The following USP47 variants were observed in gnomAD, a reference collection of about 807,000 sequenced individuals.
USP47 encodes ubiquitin carboxyl-terminal hydrolase 47.
Under a neutral mutation model 165.1 loss-of-function variants are expected in USP47, and 35 were observed. The observed-to-expected ratio is 0.21, with a 90% CI of 0.16 to 0.28. USP47 has a LOEUF of 0.28. USP47 is among the 10% of genes least tolerant of loss of function. The pLI, the probability that USP47 is intolerant of heterozygous loss-of-function variation, is 1.00. For missense variants in USP47, 1,277 were observed against 1,607.4 expected (o/e 0.79, Z 3.52); for synonymous variants, 531 against 544.5 (o/e 0.98, Z 0.35).
At chr11:11,903,212 T>G in intron 6 of USP47, 51 bp from the exon 7 acceptor site, 1 of 1,536,050 alleles carries the variant, frequency 6.5e-7, no homozygotes, top group Non-Finnish European at 8.9e-7. Flanking sequence ...ACAGATTGTT[T>G]CATTACATAA....
chr11:11,850,109 T>A (rs1274048219), intron 1 of USP47, among the ~76,000 whole-genome samples: 5 of 152,288 alleles, frequency 3.3e-5, no homozygotes, highest in East Asian at 1.9e-4. Flanking sequence ...TCTGTTTTTT[T>A]AATTCATTCT....
At chr11:11,934,888 A>T (rs1854938957) in intron 16 of USP47, among the ~76,000 whole-genome samples, 1 of 152,116 alleles carries the variant, frequency 6.6e-6, no homozygotes, top group African/African-American at 2.4e-5. Flanking sequence ...CTAGAGAAAA[A>T]ATTGCATACT....
chr11:11,879,739 CT>C (rs1448023289), intron 1 of USP47, among the ~76,000 whole-genome samples: 2 of 152,064 alleles, frequency 1.3e-5, no homozygotes, highest in Non-Finnish European at 2.9e-5. Context: ...ACAATCCTTA[CT>C]GCATTTTTGC....
At position 11,928,698 on chromosome 11, in the gene USP47, A is replaced by G. The variant is rs538014586; in HGVS notation, c.1387-736A>G. On this transcript the variant is annotated intron_variant, in intron 11 of 27. Transcript: ENST00000527733. ...AGTCTCTAGTATCTCAAACTGTCTT[A>G]GGAGTTGTGAAGTACATGGGCTTCT... Among the ~76,000 whole-genome samples, 4 of 152,104 alleles carry G rather than the reference A, an allele frequency of 2.6e-5. No individual in the cohort carries two copies. The South Asian group carries it at 8.3e-4, about 32-fold the overall frequency.
Position 11,903,294 on chromosome 11 carries a change from C to T in USP47, c.771C>T (p.Cys257=). 1.2e-6 allele frequency: 2 copies of T among 1,612,422 alleles called. No homozygotes were observed. Among genetic ancestry groups the T allele is most frequent in the Non-Finnish European group, 1.7e-6 (2 of 1,179,042 alleles). Residue 257 remains cysteine (C), a synonymous_variant, in exon 7 of 28, where the codon TGC becomes TGT. Coordinates refer to ENST00000527733, the MANE Select transcript of USP47 (RefSeq NM_001282659.2). The part of the protein sequence containing the change: ...AWQQHDVQEL[C]RVMFDALEQK... Reference sequence around the variant, plus strand: ...AGCAGCATGATGTACAAGAACTATGCAGAGTCATGTTTGATGCTTTGGAAC... The same window carrying T: ...AGCAGCATGATGTACAAGAACTATGTAGAGTCATGTTTGATGCTTTGGAAC...
chr11:11,896,975 T>C (rs1335785601), intron 4 of USP47, among the ~76,000 whole-genome samples: 1 of 151,924 alleles, frequency 6.6e-6, no homozygotes, highest in East Asian at 1.9e-4. Flanking sequence ...CATATCACCC[T>C]TTGCACAGCA....
At chr11:11,884,924 T>A (rs956822735) in intron 3 of USP47, among the ~76,000 whole-genome samples, 2 of 152,182 alleles carry the variant, frequency 1.3e-5, no homozygotes, top group Non-Finnish European at 2.9e-5. Flanking sequence ...TGTTTAAGCA[T>A]TTGCTTGGTT....
At chr11:11,867,508 G>T (rs765157956) in intron 1 of USP47, among the ~76,000 whole-genome samples, 3 of 151,926 alleles carry the variant, frequency 2.0e-5, no homozygotes, top group Admixed American at 1.3e-4. Flanking sequence ...GTTAAATTTT[G>T]TGTTTTTAAT....
At chr11:11,903,193 T>C in intron 6 of USP47, 70 bp from the exon 7 acceptor site, 1 of 1,460,422 alleles carries the variant, frequency 6.8e-7, no homozygotes, top group Non-Finnish European at 9.4e-7. Flanking sequence ...GTCTATTTGC[T>C]TTTAAACAAC....
At chr11:11,895,645 G>A (rs1851799683) in intron 4 of USP47, among the ~76,000 whole-genome samples, 2 of 152,150 alleles carry the variant, frequency 1.3e-5, no homozygotes, top group African/African-American at 4.8e-5. Flanking sequence ...GCCAGCCACT[G>A]TTGATAGGAG....
intron 1 of USP47, chr11:11,873,718 G>T: frequency 1.3e-6 from 1 of 754,368 alleles, no homozygotes; most frequent in South Asian, 4.2e-5. Flanking sequence ...AATGTTTTTA[G>T]GTTAATTGTT....
chr11:11,910,295 A>G (rs1346819679), intron 8 of USP47, among the ~76,000 whole-genome samples: 1 of 152,146 alleles, frequency 6.6e-6, no homozygotes, highest in African/African-American at 2.4e-5. Flanking sequence ...CTTTTTGCCT[A>G]ATATATCCCA....
intron 10 of USP47, among the ~76,000 whole-genome samples, chr11:11,921,053 A>G (rs893760357): frequency 6.6e-6 from 1 of 151,746 alleles, no homozygotes; most frequent in African/African-American, 2.4e-5. Flanking sequence ...ATGCTTATCA[A>G]TTTCTTCCCA....
At chr11:11,853,782 A>G (rs965655799) in intron 1 of USP47, among the ~76,000 whole-genome samples, 7 of 152,194 alleles carry the variant, frequency 4.6e-5, no homozygotes, top group Admixed American at 1.3e-4. Context: ...TACAAAAATT[A>G]CTGAGATATA....
intron 3 of USP47, among the ~76,000 whole-genome samples, chr11:11,890,297 A>G (rs1851430565): frequency 6.6e-6 from 1 of 152,214 alleles, no homozygotes; most frequent in East Asian, 1.9e-4. Context: ...TTTACAATCT[A>G]TCCACCTGAC....
At chr11:11,860,328 A>T (rs546539424) in intron 1 of USP47, among the ~76,000 whole-genome samples, 1 of 151,954 alleles carries the variant, frequency 6.6e-6, no homozygotes, top group South Asian at 2.1e-4. Context: ...GATAAGTTAA[A>T]TGATTCGTGT....
At chr11:11,898,682 A>G (rs1419398901) in intron 5 of USP47, among the ~76,000 whole-genome samples, 1 of 152,242 alleles carries the variant, frequency 6.6e-6, no homozygotes, top group Non-Finnish European at 1.5e-5. Context: ...TTTAAATAAC[A>G]TTTAAAGACA....
At chr11:11,932,947 G>A (rs1487320958) in intron 14 of USP47, 57 bp from the exon 15 acceptor site, 16 of 1,321,696 alleles carry the variant, frequency 1.2e-5, no homozygotes, top group Non-Finnish European at 1.5e-5. Context: ...GAAGCAGGAT[G>A]AATAAAGGCA....
chr11:11,948,142 G>A, intron 21 of USP47, 22 bp downstream of exon 21: 1 of 1,591,842 alleles, frequency 6.3e-7, no homozygotes, highest in Non-Finnish European at 8.5e-7. Flanking sequence ...TAATCTTCGA[G>A]TAGTTAGAGT....
Sources: allele counts gnomAD v4.1 joint callset (sites outside exome capture counted in the v4.1 genomes callset), GRCh38; gene constraint gnomAD v4.1.1; transcripts MANE v1.5; gene names NCBI Gene and HGNC (gene_info 2026-07-23, HGNC 2026-07-21).